The following SHLD1 variants were observed in gnomAD, a reference collection of about 807,000 sequenced individuals.
SHLD1 encodes the protein shieldin complex subunit 1, also known as RINN1-REV7-interacting novel NHEJ regulator 3.
SHLD1 carries 3 observed loss-of-function variants against 5.5 expected under a neutral mutation model. That is an observed-to-expected ratio of 0.54 (90% CI 0.25 to 1.40). The LOEUF is 1.40. Ranked by LOEUF, SHLD1 falls within the 40% of genes most tolerant of loss-of-function variation. The probability of loss-of-function intolerance (pLI) is 0.15; values close to 1 mark genes in which losing one functional copy is unlikely to be tolerated. For missense variants in SHLD1, 210 were observed against 244.4 expected (o/e 0.86, Z 0.94); for synonymous variants, 92 against 94.3 (o/e 0.98, Z 0.14).
chr20:5,810,205 C>G (rs1401789850), intron 2 of SHLD1, among the ~76,000 whole-genome samples: 3 of 151,184 alleles, frequency 2.0e-5, no homozygotes, highest in Admixed American at 6.6e-5. Context: ...TGCAGTGAGC[C>G]AAGATCGTGC....
At chr20:5,751,724 T>C (rs970830852) in intron 1 of SHLD1, among the ~76,000 whole-genome samples, 1 of 152,206 alleles carries the variant, frequency 6.6e-6, no homozygotes, top group African/African-American at 2.4e-5. Flanking sequence ...GCCAGTATGA[T>C]TGACCATCGC....
intron 2 of SHLD1, among the ~76,000 whole-genome samples, chr20:5,846,149 A>T (rs2087930384): frequency 6.6e-6 from 1 of 152,216 alleles, no homozygotes; most frequent in Non-Finnish European, 1.5e-5. Flanking sequence ...CTCTGTTTTG[A>T]TAGAAATCTT....
intron 2 of SHLD1, among the ~76,000 whole-genome samples, chr20:5,807,496 G>T (rs1035885701): frequency 6.6e-6 from 1 of 151,936 alleles, no homozygotes; most frequent in Non-Finnish European, 1.5e-5. Flanking sequence ...TCAGTCTCCT[G>T]TGTAGCTGGG....
Position 5,778,585 on chromosome 20 carries a change from C to T in SHLD1, c.178+5542C>T, listed in dbSNP as rs115378526. Among the ~76,000 whole-genome samples, 724 of 142,170 alleles carry T rather than the reference C, an allele frequency of 5.1e-3. 7 individuals carry two copies. Among genetic ancestry groups the T allele is most frequent in the African/African-American group, 0.018 (682 of 37,478 alleles). 93.3% of individuals were successfully genotyped at this position (142,170 alleles called of 152,430 possible). On this transcript the variant is annotated intron_variant, in intron 2 of 2. Coordinates refer to ENST00000303142, the MANE Select transcript of SHLD1 (RefSeq NM_152504.4). ...TCGTGCTACTGCACCCCAACCTGGG[C>T]GACAGAGCAAGACCTTGTCAAAAAA...
At chr20:5,830,505 C>T (rs2087715736) in intron 2 of SHLD1, among the ~76,000 whole-genome samples, 1 of 151,888 alleles carries the variant, frequency 6.6e-6, no homozygotes, top group South Asian at 2.1e-4. Context: ...CATGGACCAA[C>T]ATGACCAACC....
Position 5,806,961 on chromosome 20 carries a change from C to T in SHLD1, c.178+33918C>T, listed in dbSNP as rs2087386359. On this transcript the variant is annotated intron_variant, in intron 2 of 2. Coordinates refer to ENST00000303142, the MANE Select transcript of SHLD1 (RefSeq NM_152504.4). The surrounding 1 kb of genome is among the most constrained non-coding windows in gnomAD (Gnocchi z 7.6). ...GTGTAACCTGTACCTGCAATCTTGG[C>T]CTTGAATTCTCATTTTATTCCTCAA... 6.6e-6 allele frequency among the ~76,000 whole-genome samples: 1 copy of T among 152,178 alleles called. No homozygotes were observed. The highest frequency in any genetic ancestry group is 2.4e-5 in the African/African-American group (1 of 41,430).
At chr20:5,832,312 G>A (rs547326409) in intron 2 of SHLD1, among the ~76,000 whole-genome samples, 24 of 152,244 alleles carry the variant, frequency 1.6e-4, no homozygotes, top group South Asian at 2.1e-4. Flanking sequence ...AAAGCTCCTC[G>A]GGCAGAGTGG....
chr20:5,763,010 A>T (rs1462058570), intron 1 of SHLD1, among the ~76,000 whole-genome samples: 1 of 151,298 alleles, frequency 6.6e-6, no homozygotes, highest in Admixed American at 6.6e-5. Flanking sequence ...AATTGCCACA[A>T]AGAAGTGTGT....
chr20:5,825,460 A>G (rs1401668392), intron 2 of SHLD1, among the ~76,000 whole-genome samples: 1 of 152,188 alleles, frequency 6.6e-6, no homozygotes, highest in Non-Finnish European at 1.5e-5. Context: ...ACTAGGGAGC[A>G]TTTTCCCTTT....
chr20:5,775,923 A>ATTTGTTTTTTTT (rs1985402376), intron 2 of SHLD1, among the ~76,000 whole-genome samples: 1 of 77,678 alleles, frequency 1.3e-5, no homozygotes, highest in Non-Finnish European at 2.4e-5. Context: ...TCAGCTCAGG[A>ATTTGTTTTTTTT]TTTTTTTTTT....
chr20:5,762,222 T>TCACAACA (rs1422447973), intron 1 of SHLD1, among the ~76,000 whole-genome samples: 2 of 151,550 alleles, frequency 1.3e-5, no homozygotes, highest in African/African-American at 4.9e-5. Flanking sequence ...ACAGCCTGGG[T>TCACAACA]GACAGAGTGA....
intron 2 of SHLD1, among the ~76,000 whole-genome samples, chr20:5,785,770 TG>T (rs768555772): frequency 7.4e-6 from 1 of 135,324 alleles, no homozygotes; most frequent in Non-Finnish European, 1.5e-5. Context: ...CACTCCAGCC[TG>T]GGTAACAGAG....
chr20:5,781,194 A>C (rs2086985177), intron 2 of SHLD1, among the ~76,000 whole-genome samples: 1 of 152,180 alleles, frequency 6.6e-6, no homozygotes. Context: ...TCCTCCCCTC[A>C]GCCCTTCCTA....
intron 2 of SHLD1, among the ~76,000 whole-genome samples, chr20:5,850,609 C>T (rs1247342361): frequency 1.3e-5 from 2 of 151,088 alleles, no homozygotes. Flanking sequence ...CTCCCGGGTT[C>T]AAGCAATTCT....
chr20:5,780,897 A>G (rs1432083896), intron 2 of SHLD1, among the ~76,000 whole-genome samples: 1 of 152,308 alleles, frequency 6.6e-6, no homozygotes, highest in East Asian at 1.9e-4. Context: ...TATGTGCCCA[A>G]CTGCCGCATC....
intron 2 of SHLD1, among the ~76,000 whole-genome samples, chr20:5,813,889 G>A (rs895801718): frequency 6.6e-6 from 1 of 150,688 alleles, no homozygotes; most frequent in Non-Finnish European, 1.5e-5. Flanking sequence ...TGAATTAAGT[G>A]GCTTTTAAAC....
intron 2 of SHLD1, among the ~76,000 whole-genome samples, chr20:5,857,909 C>T (rs939789375): frequency 3.3e-5 from 5 of 151,954 alleles, no homozygotes; most frequent in African/African-American, 9.7e-5. Flanking sequence ...ACCATCCCGG[C>T]TAACACGGTG....
At chr20:5,765,768 C>CCT (rs1984794419) in intron 1 of SHLD1, among the ~76,000 whole-genome samples, 1 of 96,076 alleles carries the variant, frequency 1.0e-5, no homozygotes, top group Admixed American at 1.2e-4. Context: ...ACGCACAAAT[C>CCT]CTTTTTTTTT....
intron 2 of SHLD1, among the ~76,000 whole-genome samples, chr20:5,808,947 T>C (rs2087421389): frequency 6.6e-6 from 1 of 151,000 alleles, no homozygotes; most frequent in East Asian, 1.9e-4. Context: ...AAAGTGTTTG[T>C]TTTAGAACAT....
Sources: allele counts gnomAD v4.1 joint callset (sites outside exome capture counted in the v4.1 genomes callset), GRCh38; gene constraint gnomAD v4.1.1; non-coding constraint Gnocchi (gnomAD v3.1); transcripts MANE v1.5; gene names NCBI Gene and HGNC (gene_info 2026-07-23, HGNC 2026-07-21).